DGKI: variants seen among roughly 807,000 people sequenced by gnomAD.
DGKI encodes the protein DAG kinase iota.
Under a neutral mutation model 147.5 loss-of-function variants are expected in DGKI, and 55 were observed. That is an observed-to-expected ratio of 0.37 (90% CI 0.30 to 0.47). DGKI has a LOEUF of 0.47. Ranked by LOEUF, DGKI falls within the 20% of genes least tolerant of loss-of-function variation. DGKI has a pLI of 1.00. For missense variants in DGKI, 1,007 were observed against 1,323.8 expected (o/e 0.76, Z 3.71); for synonymous variants, 469 against 477.1 (o/e 0.98, Z 0.22).
chr7:137,710,979 A>C (rs911355738), intron 1 of DGKI, among the ~76,000 whole-genome samples: 1 of 152,240 alleles, frequency 6.6e-6, no homozygotes, highest in Non-Finnish European at 1.5e-5. Context: ...CAGTAAAAAA[A>C]GAAAAACATG....
chr7:137,622,799 T>G (rs527884073), intron 7 of DGKI, among the ~76,000 whole-genome samples: 93 of 152,226 alleles, frequency 6.1e-4, no homozygotes, highest in South Asian at 1.9e-3. Context: ...TAAGAAAATG[T>G]AGCATCTGGT....
chr7:137,669,789 CT>C (rs1822776885), intron 3 of DGKI, among the ~76,000 whole-genome samples: 1 of 152,146 alleles, frequency 6.6e-6, no homozygotes, highest in Non-Finnish European at 1.5e-5. Context: ...CTCTGTGACT[CT>C]TTTTTTCCTT....
intron 28 of DGKI, among the ~76,000 whole-genome samples, chr7:137,413,809 T>C (rs1007921291): frequency 5.9e-5 from 9 of 152,212 alleles, no homozygotes; most frequent in African/African-American, 2.4e-5. Context: ...AGTAATGGGA[T>C]TGCTGGGTCG....
rs1445526952 is a variant in DGKI at position 137,444,091 on chromosome 7, G to A, written c.2747C>T (p.Ser916Phe). The A allele has an allele frequency of 6.5e-7, 1 of 1,536,968 alleles. No individual in the cohort carries two copies. The highest frequency in any genetic ancestry group is 2.0e-5 in the Admixed American group (1 of 49,154). Reference sequence around the variant, plus strand: ...ATGATTCTTACCATGATCTTCTGAAGAGACTGGTGACCTAAAAGGAAATAA... The same window carrying A: ...ATGATTCTTACCATGATCTTCTGAAAAGACTGGTGACCTAAAAGGAAATAA... ...SHSRVLQSPV[S>F]SEDHAILQAV... The change falls in exon 28 of 33, where the codon TCT becomes TTT. Residue 916 changes from serine (S) to phenylalanine (F), a missense_variant. Ser to Phe is a radical substitution (Grantham distance 155). Around this residue, in one of 5 missense-constraint regions of DGKI, gnomAD observed 385 missense variants for 445.2 expected, o/e 0.86. Transcript: ENST00000614521.
chr7:137,529,600 C>T (rs1817270497), intron 20 of DGKI, among the ~76,000 whole-genome samples: 1 of 152,190 alleles, frequency 6.6e-6, no homozygotes, highest in Non-Finnish European at 1.5e-5. Flanking sequence ...ATAGCAGTTT[C>T]ATCATTTTTG....
chr7:137,399,566 C>T (rs1362231921), intron 30 of DGKI, among the ~76,000 whole-genome samples: 1 of 152,192 alleles, frequency 6.6e-6, no homozygotes, highest in African/African-American at 2.4e-5. Context: ...TTGTTTATCA[C>T]CCATGTAAAG....
chr7:137,807,556 C>A (rs1209388012), intron 1 of DGKI, among the ~76,000 whole-genome samples: 3 of 152,206 alleles, frequency 2.0e-5, no homozygotes, highest in Non-Finnish European at 4.4e-5. Context: ...GCCAGCACTT[C>A]TCAAACTTTC....
At position 137,384,953 on chromosome 7, in the gene DGKI, T is replaced by C. The variant is rs1811142015; in HGVS notation, c.*6267A>G. Reference sequence around the variant, plus strand: ...ACCTCCCTTGTGGTTGCCACGCTGGTGGCAGAAGCCAAAGAGTTTTCCATG... The same window carrying C: ...ACCTCCCTTGTGGTTGCCACGCTGGCGGCAGAAGCCAAAGAGTTTTCCATG... On this transcript the variant is annotated 3_prime_UTR_variant, in exon 33 of 33. Coordinates refer to ENST00000614521, the MANE Select transcript of DGKI (RefSeq NM_001321708.2). 2.0e-5 allele frequency: 3 copies of C among 152,242 alleles called. No homozygotes were observed. The South Asian group carries it at 6.2e-4, about 32-fold the overall frequency. 9.4% of individuals were successfully genotyped at this position (152,242 alleles called of 1,614,324 possible).
chr7:137,676,887 CAGAAAGGGATTAA>C (rs954623340), intron 3 of DGKI, among the ~76,000 whole-genome samples: 25 of 152,112 alleles, frequency 1.6e-4, no homozygotes, highest in African/African-American at 5.6e-4. Context: ...TAAAAAGTAA[CAGAAAGGGATTAA>C]AGGGAGCAAT....
At chr7:137,826,772 A>G (rs866968320) in intron 1 of DGKI, among the ~76,000 whole-genome samples, 3 of 152,194 alleles carry the variant, frequency 2.0e-5, no homozygotes, top group African/African-American at 7.2e-5. Context: ...GAAAGTGCCT[A>G]GCTCAGAGGC....
At chr7:137,818,699 C>A (rs573700199) in intron 1 of DGKI, among the ~76,000 whole-genome samples, 4 of 152,202 alleles carry the variant, frequency 2.6e-5, no homozygotes, top group Admixed American at 2.6e-4. Context: ...GCCTCAGCCT[C>A]CCAAAGTGCT....
intron 1 of DGKI, among the ~76,000 whole-genome samples, chr7:137,821,729 C>T (rs1418837637): frequency 6.6e-6 from 1 of 151,564 alleles, no homozygotes; most frequent in Non-Finnish European, 1.5e-5. Context: ...TTTTTGGAAG[C>T]TGCGAAGTGA....
intron 6 of DGKI, among the ~76,000 whole-genome samples, chr7:137,632,632 GC>G (rs1198851817): frequency 6.6e-6 from 1 of 152,112 alleles, no homozygotes; most frequent in Admixed American, 6.5e-5. Flanking sequence ...GCCAAGGCGG[GC>G]AGATCACGAG....
intron 1 of DGKI, among the ~76,000 whole-genome samples, chr7:137,776,944 G>A (rs547905810): frequency 6.6e-6 from 1 of 152,198 alleles, no homozygotes; most frequent in East Asian, 1.9e-4. Context: ...CAGCAGTTTG[G>A]GAGGCTGAGG....
At chr7:137,495,155 C>G (rs1251455186) in intron 21 of DGKI, among the ~76,000 whole-genome samples, 6 of 152,012 alleles carry the variant, frequency 3.9e-5, no homozygotes, top group Non-Finnish European at 8.8e-5. Flanking sequence ...TTAAAGACTA[C>G]TATGAATACC....
At chr7:137,532,560 G>A (rs1398557683) in intron 20 of DGKI, among the ~76,000 whole-genome samples, 1 of 152,128 alleles carries the variant, frequency 6.6e-6, no homozygotes, top group Non-Finnish European at 1.5e-5. Flanking sequence ...ATTTGGCTCT[G>A]GAAAGAGATA....
intron 12 of DGKI, among the ~76,000 whole-genome samples, chr7:137,592,062 T>C (rs1427947780): frequency 1.3e-5 from 2 of 152,220 alleles, no homozygotes; most frequent in African/African-American, 2.4e-5. Context: ...AATCTGTGTC[T>C]TTGTCCTTAG....
At chr7:137,443,985 C>A in intron 28 of DGKI, 92 bp downstream of exon 28, 1 of 1,095,094 alleles carries the variant, frequency 9.1e-7, no homozygotes, top group Non-Finnish European at 1.3e-6. Flanking sequence ...GAGACATTTG[C>A]TTAAACAATT....
intron 3 of DGKI, among the ~76,000 whole-genome samples, chr7:137,670,981 G>A (rs961321562): frequency 4.6e-5 from 7 of 152,150 alleles, no homozygotes; most frequent in Admixed American, 1.3e-4. Flanking sequence ...AATGCATGTC[G>A]GGCTCTGATT....
Sources: gnomAD v4.1 joint callset for allele counts (sites outside exome capture counted in the v4.1 genomes callset) on GRCh38, gnomAD v4.1.1 for gene constraint, gnomAD v4.1.1 regional missense constraint, MANE v1.5 for transcripts, NCBI Gene and HGNC (gene_info 2026-07-23, HGNC 2026-07-21) for gene names.